Variants in CPXM2 observed in about 807,000 individuals in gnomAD.
The protein encoded by CPXM2 is inactive carboxypeptidase-like protein X2.
In CPXM2, 66 loss-of-function variants were observed where a neutral mutation model predicts 86.1. The observed-to-expected ratio is 0.77, with a 90% confidence interval of 0.63 to 0.94. The LOEUF (loss-of-function observed/expected upper bound fraction) is 0.94, where lower values mean the gene tolerates loss of function less well. Among genes scored for constraint, CPXM2 ranks in the 40% least tolerant of loss-of-function variants. The probability of loss-of-function intolerance (pLI) is 0.00; values close to 1 mark genes in which losing one functional copy is unlikely to be tolerated. For synonymous variants in CPXM2, 388 were observed against 400.2 expected, an observed-to-expected ratio of 0.97 and a Z score of 0.36; for missense variants, 948 against 1,026.3, an observed-to-expected ratio of 0.92 and a Z score of 1.04.
chr10:123,784,898 T>C (rs1156662003), intron 6 of CPXM2, among the ~76,000 whole-genome samples: 1 of 152,244 alleles, frequency 6.6e-6, no homozygotes, highest in Non-Finnish European at 1.5e-5. Flanking sequence ...ACTGACTTCC[T>C]AGAACTAAAT....
intron 4 of CPXM2, among the ~76,000 whole-genome samples, chr10:123,836,489 C>T (rs1848284187): frequency 6.6e-6 from 1 of 152,072 alleles, no homozygotes; most frequent in Non-Finnish European, 1.5e-5. Flanking sequence ...GCTGCAACTG[C>T]CACCAACTCC....
chr10:123,755,493 T>C (rs1395648021), intron 12 of CPXM2, among the ~76,000 whole-genome samples: 2 of 152,334 alleles, frequency 1.3e-5, no homozygotes, highest in Non-Finnish European at 2.9e-5. Context: ...TCCATTAGAA[T>C]GTCCAGAGGC....
chr10:123,937,684 C>T (rs2134292959), intron 2 of CPXM2, among the ~76,000 whole-genome samples: 1 of 152,284 alleles, frequency 6.6e-6, no homozygotes, highest in East Asian at 1.9e-4. Context: ...CTCTTCTGAG[C>T]ATCCTGACTG....
intron 4 of CPXM2, among the ~76,000 whole-genome samples, chr10:123,832,703 T>A (rs1485498602): frequency 1.3e-5 from 2 of 151,924 alleles, no homozygotes; most frequent in Non-Finnish European, 2.9e-5. Context: ...GGTACACGCC[T>A]ATAATACCAG....
intron 3 of CPXM2, 87 bp downstream of exon 3, chr10:123,862,527 A>T: frequency 8.7e-7 from 1 of 1,154,234 alleles, no homozygotes; most frequent in Non-Finnish European, 1.3e-6. Context: ...AATGCATTTT[A>T]AATCCTGCGC....
intron 2 of CPXM2, among the ~76,000 whole-genome samples, chr10:123,911,425 C>A (rs74977435): frequency 0.05 from 7,593 of 151,996 alleles, 252 homozygotes; most frequent in Non-Finnish European, 0.074. Flanking sequence ...CTTAGGGCAT[C>A]GATGAAGTTT....
In CPXM2 at chr10:123,769,026, T is replaced by C. The variant is rs1846563035; in HGVS notation, c.1103-304A>G. On this transcript the variant is annotated intron_variant, in intron 8 of 13. Coordinates refer to ENST00000241305, the MANE Select transcript of CPXM2 (RefSeq NM_198148.3). ...GTGCTGAGGGCTTAACATTCACAAGTTGAGCACAAGCCGTAGCAATCAGTG... is the reference window on the plus strand; with the variant it reads ...GTGCTGAGGGCTTAACATTCACAAGCTGAGCACAAGCCGTAGCAATCAGTG... 2.0e-5 allele frequency among the ~76,000 whole-genome samples: 3 copies of C among 152,226 alleles called. No individual in the cohort carries two copies. The South Asian group carries it at 6.2e-4, about 32-fold the overall frequency.
At position 123,798,003 on chromosome 10, in the gene CPXM2, T is replaced by A; in HGVS notation, c.862A>T (p.Met288Leu). ...WFDNGSICMR[M>L]EILGCPLPDP... is the part of the protein sequence containing the mutation. ...GGCAGTGGGCAGCCCAGGATCTCCA[T>A]TCTCATGCAGATGCTCCCATTATCA... is the stretch of plus-strand genomic sequence containing the variant. Residue 288 changes from methionine to leucine, a missense_variant, in exon 6 of 14, where the codon ATG (methionine) becomes TTG (leucine). Physicochemically the swap from Met to Leu is conservative, Grantham distance 15. Transcript: ENST00000241305. 1 of 1,609,742 alleles carries A rather than the reference T, an allele frequency of 6.2e-7. No individual in the cohort carries two copies. The highest frequency in any genetic ancestry group is 8.5e-7 in the Non-Finnish European group (1 of 1,177,890).
chr10:123,909,223 G>A (rs1208228048), intron 2 of CPXM2, among the ~76,000 whole-genome samples: 2 of 152,122 alleles, frequency 1.3e-5, no homozygotes, highest in African/African-American at 4.8e-5. Flanking sequence ...CAGCGTCCAG[G>A]AAAGATCTCC....
intron 3 of CPXM2, among the ~76,000 whole-genome samples, chr10:123,857,899 C>T (rs1848772005): frequency 6.6e-6 from 1 of 151,878 alleles, no homozygotes; most frequent in African/African-American, 2.4e-5. Context: ...TGACAGCGCA[C>T]TCTGTGGTCA....
upstream of CPXM2, among the ~76,000 whole-genome samples, chr10:123,894,887 G>A (rs1032496322): frequency 6.6e-6 from 1 of 152,020 alleles, no homozygotes; most frequent in African/African-American, 2.4e-5. Context: ...TCGCTGTTTG[G>A]GCCTCTCTGA....
intron 5 of CPXM2, among the ~76,000 whole-genome samples, chr10:123,798,607 G>A (rs906456581): frequency 6.6e-6 from 1 of 152,156 alleles, no homozygotes; most frequent in African/African-American, 2.4e-5. Flanking sequence ...TGTGTAGGGG[G>A]TAAGAATGAG....
At chr10:123,873,774 TC>T (rs1564807812) in intron 2 of CPXM2, among the ~76,000 whole-genome samples, 1 of 152,176 alleles carries the variant, frequency 6.6e-6, no homozygotes, top group Non-Finnish European at 1.5e-5. Context: ...TAGTGCCCTT[TC>T]ATTTGGTACT....
At chr10:123,757,070 C>CA in intron 12 of CPXM2, 143 bp downstream of exon 12, 1 of 726,220 alleles carries the variant, frequency 1.4e-6, no homozygotes, top group Non-Finnish European at 2.4e-6. Flanking sequence ...AGTGTCAACA[C>CA]ACAGTGGCTC....
chr10:123,793,680 C>G (rs960451380), intron 6 of CPXM2, among the ~76,000 whole-genome samples: 3 of 152,070 alleles, frequency 2.0e-5, no homozygotes, highest in Non-Finnish European at 4.4e-5. Flanking sequence ...TGACATCACC[C>G]TCAGCAAAAG....
intron 9 of CPXM2, among the ~76,000 whole-genome samples, chr10:123,767,944 C>T (rs1219732): frequency 0.32 from 48,274 of 152,114 alleles, 8,765 homozygotes; most frequent in East Asian, 0.63. Flanking sequence ...ATTCCATTAT[C>T]ATTGTGTATA....
At chr10:123,758,414 C>A (rs998985501) in intron 11 of CPXM2, among the ~76,000 whole-genome samples, 12 of 152,264 alleles carry the variant, frequency 7.9e-5, no homozygotes, top group Admixed American at 6.5e-5. Context: ...CAGCTCTCTG[C>A]CTCTGTCTTC....
At chr10:123,851,861 C>G (rs1179582959) in intron 3 of CPXM2, among the ~76,000 whole-genome samples, 1 of 151,662 alleles carries the variant, frequency 6.6e-6, no homozygotes, top group Non-Finnish European at 1.5e-5. Flanking sequence ...ATGACTGTGT[C>G]TTTAAACAAG....
chr10:123,852,781 T>C (rs1848631415), intron 3 of CPXM2, among the ~76,000 whole-genome samples: 1 of 152,108 alleles, frequency 6.6e-6, no homozygotes, highest in Non-Finnish European at 1.5e-5. Flanking sequence ...GCTCTTCTCA[T>C]ACCCCCTTGG....
Sources: gnomAD v4.1 joint callset for allele counts (sites outside exome capture counted in the v4.1 genomes callset) on GRCh38, gnomAD v4.1.1 for gene constraint, MANE v1.5 for transcripts, NCBI Gene and HGNC (gene_info 2026-07-23, HGNC 2026-07-21) for gene names.